The following LRCH1 variants were observed in gnomAD, a reference collection of about 807,000 sequenced individuals.
The protein encoded by LRCH1 is leucine rich repeats and calponin homology domain containing 1.
LRCH1 carries 23 observed loss-of-function variants against 94.9 expected under a neutral mutation model. The observed-to-expected ratio is 0.24, with a 90% CI of 0.17 to 0.34. LRCH1 has a LOEUF of 0.34. LRCH1 is among the 10% of genes least tolerant of loss of function. LRCH1 has a pLI of 1.00. For synonymous variants in LRCH1, 364 were observed against 354.9 expected, an observed-to-expected ratio of 1.03 and a Z score of -0.29; for missense variants, 790 against 945.9, an observed-to-expected ratio of 0.84 and a Z score of 2.16.
chr13:46,661,498 C>G (rs1211346995), intron 2 of LRCH1, among the ~76,000 whole-genome samples: 2 of 152,154 alleles, frequency 1.3e-5, no homozygotes. Flanking sequence ...GTCAAAAGAG[C>G]TAGTATTTGA....
chr13:46,724,376 G>T (rs1872717485), intron 17 of LRCH1, among the ~76,000 whole-genome samples: 1 of 152,102 alleles, frequency 6.6e-6, no homozygotes, highest in South Asian at 2.1e-4. Context: ...ACTGTGCCTG[G>T]CAATATTACA....
At chr13:46,728,065 C>T (rs561712803) in intron 17 of LRCH1, among the ~76,000 whole-genome samples, 2 of 151,722 alleles carry the variant, frequency 1.3e-5, no homozygotes, top group East Asian at 2.0e-4. Context: ...CGCAGGTACA[C>T]ATCACCACGC....
rs150198508 is a variant in LRCH1 at position 46,559,921 on chromosome 13, C to G, written c.307+6218C>G. Among the ~76,000 whole-genome samples the G allele has an allele frequency of 5.0e-3, 764 of 152,112 alleles. 7 individuals carry two copies. Among genetic ancestry groups the G allele is most frequent in the African/African-American group, 0.017 (702 of 41,514 alleles). On this transcript the variant is annotated intron_variant, in intron 1 of 19. Transcript: ENST00000389797. ...TGTTACTGTAATGAACTGAAATTTC[C>G]CATGGCATGGCATAATAACTCTTTG...
At chr13:46,650,569 TA>T (rs78561930) in intron 2 of LRCH1, among the ~76,000 whole-genome samples, 115,323 of 150,878 alleles carry the variant, frequency 0.76, 44,273 homozygotes, top group East Asian at 0.91. Context: ...GGTTTTTTTT[TA>T]AAAAAATGAT....
intron 1 of LRCH1, among the ~76,000 whole-genome samples, chr13:46,573,866 A>ATTTTTTTTTT (rs540821255): frequency 3.2e-5 from 2 of 63,418 alleles, no homozygotes; most frequent in Non-Finnish European, 6.3e-5. Context: ...ATATATATAT[A>ATTTTTTTTTT]TTTTTTTTTT....
At chr13:46,613,354 C>T (rs960933034) in intron 1 of LRCH1, among the ~76,000 whole-genome samples, 2 of 151,548 alleles carry the variant, frequency 1.3e-5, no homozygotes, top group Non-Finnish European at 2.9e-5. Context: ...TGCGGCTGCA[C>T]TCCTGCCTGG....
In LRCH1 at chr13:46,743,918, C is replaced by T. The variant is rs1285594782; in HGVS notation, c.*2070C>T. On this transcript the variant is annotated 3_prime_UTR_variant, in exon 20 of 20. Transcript: ENST00000389797. ...GCATCCAAAGTATTCTTTGGACGCA[C>T]TTTGATTTTTTTTGTGTCATTAATT... is the stretch of plus-strand genomic sequence containing the variant. 3.0e-6 allele frequency: 3 copies of T among 985,228 alleles called. No individual in the cohort carries two copies. Among genetic ancestry groups the T allele is most frequent in the Non-Finnish European group, 3.6e-6 (3 of 829,906 alleles). The allele number at this position is 985,228 out of a possible 1,614,324, so 61.0% of individuals were successfully genotyped here.
intron 1 of LRCH1, among the ~76,000 whole-genome samples, chr13:46,632,312 C>T (rs188845432): frequency 6.6e-6 from 1 of 152,082 alleles, no homozygotes; most frequent in Non-Finnish European, 1.5e-5. Context: ...GTGGTACTGG[C>T]AGTCCCCCAT....
chr13:46,642,500 A>G (rs2051171102), intron 1 of LRCH1, among the ~76,000 whole-genome samples: 2 of 152,182 alleles, frequency 1.3e-5, no homozygotes, highest in Admixed American at 1.3e-4. Context: ...TTACGTGAGG[A>G]AAAAAAGCCC....
At chr13:46,554,821 T>G (rs2050045745) in intron 1 of LRCH1, among the ~76,000 whole-genome samples, 1 of 144,460 alleles carries the variant, frequency 6.9e-6, no homozygotes, top group Non-Finnish European at 1.5e-5. Flanking sequence ...TGCTCCGTTT[T>G]GGAGCCGCTG....
chr13:46,747,299 G>A (rs1295532624), downstream of LRCH1, among the ~76,000 whole-genome samples: 1 of 152,048 alleles, frequency 6.6e-6, no homozygotes, highest in East Asian at 1.9e-4. Flanking sequence ...GTGTCCAAAT[G>A]TCCTGTTGGC....
chr13:46,562,010 A>G (rs1273596850), intron 1 of LRCH1, among the ~76,000 whole-genome samples: 1 of 152,134 alleles, frequency 6.6e-6, no homozygotes, highest in Non-Finnish European at 1.5e-5. Context: ...ATTTGGCTAG[A>G]CGGGACTTTT....
intron 1 of LRCH1, among the ~76,000 whole-genome samples, chr13:46,596,581 T>A (rs570667569): frequency 4.7e-4 from 71 of 152,360 alleles, no homozygotes; most frequent in Middle Eastern, 3.4e-3. Context: ...AACAGAGACA[T>A]CTTTGTTAGA....
intron 17 of LRCH1, among the ~76,000 whole-genome samples, chr13:46,727,699 C>T (rs1872889856): frequency 6.6e-6 from 1 of 152,058 alleles, no homozygotes; most frequent in African/African-American, 2.4e-5. Context: ...TGTTGTGCAT[C>T]TTGACTTTGT....
At chr13:46,611,727 GTTGA>G (rs942110176) in intron 1 of LRCH1, among the ~76,000 whole-genome samples, 4 of 152,244 alleles carry the variant, frequency 2.6e-5, no homozygotes, top group African/African-American at 9.6e-5. Context: ...ATTTTAAAAT[GTTGA>G]TTATTTGTTG....
At chr13:46,575,600 T>C (rs1176892515) in intron 1 of LRCH1, among the ~76,000 whole-genome samples, 1 of 151,688 alleles carries the variant, frequency 6.6e-6, no homozygotes. Context: ...GAAGGGGTTT[T>C]CAAAGCATTG....
chr13:46,654,789 C>G (rs1189273559), intron 2 of LRCH1, among the ~76,000 whole-genome samples: 1 of 152,132 alleles, frequency 6.6e-6, no homozygotes, highest in African/African-American at 2.4e-5. Context: ...AACAAGTACC[C>G]TAAAATACTT....
At chr13:46,705,179 A>G in intron 12 of LRCH1, 22 bp downstream of exon 12, 7 of 1,595,162 alleles carry the variant, frequency 4.4e-6, no homozygotes, top group East Asian at 2.2e-5. Flanking sequence ...TTTTATAACA[A>G]ATTATGTTTT....
chr13:46,656,423 C>T (rs1332863297), intron 2 of LRCH1, among the ~76,000 whole-genome samples: 1 of 152,178 alleles, frequency 6.6e-6, no homozygotes, highest in Non-Finnish European at 1.5e-5. Context: ...GTGTATCCCA[C>T]ATTCTTTCAT....
Sources: allele counts gnomAD v4.1 joint callset (sites outside exome capture counted in the v4.1 genomes callset), GRCh38; gene constraint gnomAD v4.1.1; transcripts MANE v1.5; gene names NCBI Gene and HGNC (gene_info 2026-07-23, HGNC 2026-07-21).